Variants in PSEN1 observed in about 807,000 individuals in gnomAD.
PSEN1 encodes presenilin 1.
PSEN1 carries 15 observed loss-of-function variants against 53.5 expected under a neutral mutation model. The ratio of observed to expected loss-of-function variants is 0.28; its 90% CI spans 0.19 to 0.43. The LOEUF (loss-of-function observed/expected upper bound fraction) is 0.43, where lower values mean the gene tolerates loss of function less well. Among genes scored for constraint, PSEN1 ranks in the 20% least tolerant of loss-of-function variants. The pLI, the probability that PSEN1 is intolerant of heterozygous loss-of-function variation, is 1.00. For synonymous variants in PSEN1, 208 were observed against 209.8 expected (o/e 0.99, Z 0.08); for missense variants, 387 against 571.2 (o/e 0.68, Z 3.29).
intron 1 of PSEN1, among the ~76,000 whole-genome samples, chr14:73,145,316 TG>T (rs1317983880): frequency 6.6e-6 from 1 of 152,210 alleles, no homozygotes; most frequent in Non-Finnish European, 1.5e-5. Flanking sequence ...TTTTCCATAA[TG>T]GAGTGTACTT....
chr14:73,198,327 G>A (rs1899042232), intron 8 of PSEN1, among the ~76,000 whole-genome samples, 198 bp downstream of exon 8: 1 of 152,176 alleles, frequency 6.6e-6, no homozygotes, highest in Non-Finnish European at 1.5e-5. Flanking sequence ...TTTTCAATAT[G>A]AATAGAAAGA....
At chr14:73,194,369 A>G (rs1386471911) in intron 7 of PSEN1, among the ~76,000 whole-genome samples, 1 of 151,288 alleles carries the variant, frequency 6.6e-6, no homozygotes. Flanking sequence ...CAATCCTCCC[A>G]CCTCAGCCTT....
chr14:73,163,654 C>T (rs1011855563), intron 3 of PSEN1, among the ~76,000 whole-genome samples: 6 of 152,032 alleles, frequency 3.9e-5, no homozygotes, highest in Admixed American at 1.3e-4. Context: ...TCCTTACATT[C>T]GATAGTCAGG....
chr14:73,152,037 A>C (rs887459006), intron 3 of PSEN1, among the ~76,000 whole-genome samples: 1 of 147,386 alleles, frequency 6.8e-6, no homozygotes. Context: ...TCAGCCTCCC[A>C]AGTAGCTGGG....
chr14:73,201,838 C>T (rs1041898282), intron 8 of PSEN1, among the ~76,000 whole-genome samples: 4 of 152,024 alleles, frequency 2.6e-5, no homozygotes, highest in Non-Finnish European at 5.9e-5. Flanking sequence ...CCCCCGCCTC[C>T]CAAGTTCAAG....
At chr14:73,202,347 A>G (rs1594746458) in intron 8 of PSEN1, among the ~76,000 whole-genome samples, 1 of 144,532 alleles carries the variant, frequency 6.9e-6, no homozygotes, top group African/African-American at 2.6e-5. Context: ...GTCTGCAGCA[A>G]CATTAAACAT....
At chr14:73,165,304 T>G (rs760499969) in intron 3 of PSEN1, among the ~76,000 whole-genome samples, 2 of 152,154 alleles carry the variant, frequency 1.3e-5, no homozygotes, top group Non-Finnish European at 2.9e-5. Context: ...ATTTTTTTCC[T>G]TAAAGATGGT....
At chr14:73,188,852 G>C (rs946707949) in intron 6 of PSEN1, among the ~76,000 whole-genome samples, 1 of 150,508 alleles carries the variant, frequency 6.6e-6, no homozygotes, top group African/African-American at 2.4e-5. Flanking sequence ...GCAATGGTGT[G>C]ATCTCGGCTC....
chr14:73,139,804 C>T (rs1438118975), intron 1 of PSEN1, among the ~76,000 whole-genome samples: 9 of 152,092 alleles, frequency 5.9e-5, no homozygotes, highest in Admixed American at 3.9e-4. Context: ...AGAAGAAACC[C>T]AGTAAATGTT....
chr14:73,202,418 C>CTATATATATATATA (rs1248311168), intron 8 of PSEN1, among the ~76,000 whole-genome samples: 15 of 27,216 alleles, frequency 5.5e-4, no homozygotes, highest in Admixed American at 8.5e-4. Context: ...CTATCACATA[C>CTATATATATATATA]TATATATATA....
intron 8 of PSEN1, among the ~76,000 whole-genome samples, chr14:73,202,471 T>TATA (rs1899265507): frequency 1.1e-4 from 6 of 56,460 alleles, no homozygotes; most frequent in African/African-American, 4.3e-4. Context: ...TATTTTTTTT[T>TATA]TTTTTTTTTT....
At chr14:73,206,199 T>G (rs1899446852) in intron 8 of PSEN1, 187 bp from the exon 9 acceptor site, 1 of 615,734 alleles carries the variant, frequency 1.6e-6, no homozygotes, top group African/African-American at 1.8e-5. Flanking sequence ...ACATTCAGTT[T>G]CAGAACTTCT....
chr14:73,207,554 A>C (rs534094973), intron 9 of PSEN1, among the ~76,000 whole-genome samples: 7 of 152,346 alleles, frequency 4.6e-5, no homozygotes, highest in Admixed American at 2.0e-4. Context: ...TTCAACCAGG[A>C]ATTCCTATTT....
At chr14:73,207,917 C>T (rs1158421467) in intron 9 of PSEN1, among the ~76,000 whole-genome samples, 3 of 152,256 alleles carry the variant, frequency 2.0e-5, no homozygotes, top group Non-Finnish European at 4.4e-5. Context: ...CCTGCTGCAG[C>T]TAGACCAGGC....
At chr14:73,186,389 A>G (rs1252387093) in intron 5 of PSEN1, among the ~76,000 whole-genome samples, 2 of 152,172 alleles carry the variant, frequency 1.3e-5, no homozygotes, top group East Asian at 3.9e-4. Context: ...CAGAAAAAAA[A>G]AAAGAATATT....
chr14:73,217,850 G>C (rs1899978961), intron 11 of PSEN1, among the ~76,000 whole-genome samples: 1 of 146,328 alleles, frequency 6.8e-6, no homozygotes, highest in Non-Finnish European at 1.5e-5. Context: ...CTGGAGTGGT[G>C]CAATCTCGGC....
At chr14:73,184,806 A>G (rs1370707719) in intron 5 of PSEN1, among the ~76,000 whole-genome samples, 1 of 139,636 alleles carries the variant, frequency 7.2e-6, no homozygotes, top group Non-Finnish European at 1.5e-5. Context: ...CTCACTTCCC[A>G]GACGGGGCGG....
At position 73,183,304 on chromosome 14, in the gene PSEN1, T is replaced by A. The variant is rs565393164; in HGVS notation, c.481-3549T>A. On this transcript the variant is annotated intron_variant, in intron 5 of 11. Transcript: ENST00000324501. ...GGCTAATTTTTGTATTTTTTTTTTT[T>A]AATTTATTTTTTATTGATAATTCTT... Among the ~76,000 whole-genome samples the A allele has an allele frequency of 6.2e-3, 924 of 148,354 alleles. 11 individuals are homozygous for A. Among genetic ancestry groups the A allele is most frequent in the African/African-American group, 0.021 (841 of 40,080 alleles).
At chr14:73,172,669 T>C (rs916278732) in intron 4 of PSEN1, among the ~76,000 whole-genome samples, 3 of 152,222 alleles carry the variant, frequency 2.0e-5, no homozygotes, top group African/African-American at 7.2e-5. Context: ...GTCTGGCTTT[T>C]TACAGAGATG....
Sources: gnomAD v4.1 joint callset for allele counts (sites outside exome capture counted in the v4.1 genomes callset) on GRCh38, gnomAD v4.1.1 for gene constraint, MANE v1.5 for transcripts, NCBI Gene and HGNC (gene_info 2026-07-23, HGNC 2026-07-21) for gene names.